The following ARL14EPL variants were observed in gnomAD, a reference collection of about 807,000 sequenced individuals.
ARL14EPL encodes ARF like GTPase 14 effector protein like.
In ARL14EPL, 17 loss-of-function variants were observed where a neutral mutation model predicts 15.9. The ratio of observed to expected loss-of-function variants is 1.07; its 90% confidence interval spans 0.73 to 1.60. The LOEUF is 1.60. ARL14EPL is among the 40% of genes most tolerant of loss of function. ARL14EPL has a pLI of 0.00. For synonymous variants in ARL14EPL, 78 were observed against 63.8 expected (o/e 1.22, Z -1.06); for missense variants, 214 against 185.9 (o/e 1.15, Z -0.88).
intron 1 of ARL14EPL, among the ~76,000 whole-genome samples, chr5:116,040,035 T>C (rs1749120059): frequency 6.6e-6 from 1 of 152,212 alleles, no homozygotes; most frequent in Admixed American, 6.5e-5. Context: ...TATTTTGTTT[T>C]GACTATTAAG....
At chr5:116,057,718 C>A (rs1202487500) in intron 3 of ARL14EPL, among the ~76,000 whole-genome samples, 1 of 152,178 alleles carries the variant, frequency 6.6e-6, no homozygotes, top group Non-Finnish European at 1.5e-5. Flanking sequence ...CTAATCCTTT[C>A]CCTTCCCTGC....
intron 3 of ARL14EPL, among the ~76,000 whole-genome samples, chr5:116,058,007 T>C (rs998228859): frequency 2.0e-5 from 3 of 152,234 alleles, no homozygotes; most frequent in African/African-American, 7.2e-5. Context: ...GAAAGTCCTT[T>C]GTCCCTGGCC....
rs1203704099 is a variant in ARL14EPL, at chr5:116,051,855, A to AT, written c.96+300dup. On this transcript the variant is annotated intron_variant, in intron 2 of 3. Coordinates refer to ENST00000686077, the MANE Select transcript of ARL14EPL (RefSeq NM_001195581.2). ...TACAAACGTTTTTATTTTTATTTTT[A>AT]TTTTTTGATTTAATAAAGTTTTATT... 4 of 1,152,592 alleles carry AT rather than the reference A, an allele frequency of 3.5e-6. No homozygotes were observed. In the African/African-American group the frequency reaches 6.3e-5, roughly 18 times the overall value. The allele number at this position is 1,152,592 out of a possible 1,614,324, so 71.4% of individuals were successfully genotyped here. A position where few individuals can be genotyped will look rare whatever the true frequency, so the allele number is the denominator to read the frequency against.
chr5:116,051,183 A>G, intron 1 of ARL14EPL: 2 of 297,782 alleles, frequency 6.7e-6, no homozygotes, highest in Middle Eastern at 9.1e-4. Context: ...AGTCTTCTTA[A>G]TCCTGCTTAA....
intron 1 of ARL14EPL, among the ~76,000 whole-genome samples, chr5:116,039,821 T>C (rs1749116470): frequency 6.6e-6 from 1 of 152,180 alleles, no homozygotes; most frequent in Non-Finnish European, 1.5e-5. Flanking sequence ...CATGATGATA[T>C]AATGAACAAA....
At chr5:116,052,182 A>C (rs1393628354) in intron 2 of ARL14EPL, 10 of 1,609,472 alleles carry the variant, frequency 6.2e-6, no homozygotes, top group Non-Finnish European at 8.5e-6. Flanking sequence ...TTGCCTTTGG[A>C]CCACTTCTTC....
intron 1 of ARL14EPL, among the ~76,000 whole-genome samples, chr5:116,048,635 A>C (rs1211244759): frequency 6.6e-6 from 1 of 152,168 alleles, no homozygotes; most frequent in South Asian, 2.1e-4. Context: ...TGTTATCTTG[A>C]AGAAGTGATG....
intron 2 of ARL14EPL, chr5:116,052,323 G>T: frequency 3.0e-6 from 3 of 991,978 alleles, no homozygotes; most frequent in Non-Finnish European, 4.9e-6. Context: ...CCGCAGCCTT[G>T]CAAAGATGTC....
In ARL14EPL at chr5:116,058,730, T is replaced by G. The variant is rs1472489440; in HGVS notation, c.242T>G (p.Met81Arg). The change falls in exon 4 of 4, where the codon ATG becomes AGG. Residue 81 changes from methionine (M) to arginine (R), a missense_variant. Transcript: ENST00000686077. ...NEYFSTKYKIMRKYDKSGRLI... is the reference protein window; with the variant it reads ...NEYFSTKYKIRRKYDKSGRLI... ...GTCATGCTTTTCCTTTGTAGAATAA[T>G]GAGGAAGTATGACAAAAGTGGCAGG... is the stretch of plus-strand genomic sequence containing the variant. 2.3e-5 allele frequency: 35 copies of G among 1,534,596 alleles called. No individual in the cohort carries two copies. Among genetic ancestry groups the G allele is most frequent in the Non-Finnish European group, 4.4e-6 (5 of 1,146,724 alleles).
intron 2 of ARL14EPL, among the ~76,000 whole-genome samples, chr5:116,053,772 T>TA (rs1749451773): frequency 6.6e-6 from 1 of 152,248 alleles, no homozygotes; most frequent in Non-Finnish European, 1.5e-5. Flanking sequence ...TCCCCTTGAT[T>TA]GTTTTTTACA....
At chr5:116,053,894 T>G in intron 2 of ARL14EPL, 120 bp from the exon 3 acceptor site, 2 of 791,022 alleles carry the variant, frequency 2.5e-6, no homozygotes, top group Non-Finnish European at 1.9e-6. Context: ...TATGTCTTTG[T>G]GTAAAACATA....
At chr5:116,036,228 A>G (rs1749047859) in intron 1 of ARL14EPL, among the ~76,000 whole-genome samples, 1 of 152,198 alleles carries the variant, frequency 6.6e-6, no homozygotes, top group African/African-American at 2.4e-5. Flanking sequence ...GCTAAACCCC[A>G]TTCACCTTTG....
chr5:116,051,588 A>G (rs1390276105), intron 2 of ARL14EPL, 27 bp downstream of exon 2: 3 of 1,498,648 alleles, frequency 2.0e-6, no homozygotes, highest in African/African-American at 2.8e-5. Flanking sequence ...CTATGATTCC[A>G]TGCTACTGGG....
chr5:116,038,835 G>C (rs1749095557), intron 1 of ARL14EPL, among the ~76,000 whole-genome samples: 1 of 152,182 alleles, frequency 6.6e-6, no homozygotes, highest in Non-Finnish European at 1.5e-5. Flanking sequence ...AGAAATCTGA[G>C]AGCAAATACA....
At chr5:116,055,260 A>G (rs2560685) in intron 3 of ARL14EPL, among the ~76,000 whole-genome samples, 117,444 of 152,108 alleles carry the variant, frequency 0.77, 45,967 homozygotes, top group African/African-American at 0.85. Context: ...AAAACAGCTC[A>G]GTGTTACCTA....
At chr5:116,044,548 T>G (rs992588073) in intron 1 of ARL14EPL, among the ~76,000 whole-genome samples, 1 of 152,124 alleles carries the variant, frequency 6.6e-6, no homozygotes, top group African/African-American at 2.4e-5. Context: ...CTATTTACAC[T>G]GAAGTACAAA....
intron 1 of ARL14EPL, among the ~76,000 whole-genome samples, chr5:116,046,387 T>C (rs1414243403): frequency 6.6e-6 from 1 of 152,162 alleles, no homozygotes; most frequent in South Asian, 2.1e-4. Context: ...CACAATCAAC[T>C]GATGAAAATT....
intron 1 of ARL14EPL, among the ~76,000 whole-genome samples, chr5:116,036,507 A>G (rs1445209585): frequency 1.3e-5 from 2 of 152,246 alleles, no homozygotes; most frequent in Non-Finnish European, 2.9e-5. Flanking sequence ...AGATTGTTGC[A>G]TCTACTTTGC....
At chr5:116,036,564 T>C (rs1435393470) in intron 1 of ARL14EPL, among the ~76,000 whole-genome samples, 1 of 152,234 alleles carries the variant, frequency 6.6e-6, no homozygotes, top group Non-Finnish European at 1.5e-5. Flanking sequence ...AGCTCTAAAA[T>C]GACTAGCTTC....
Sources: gnomAD v4.1 joint callset for allele counts (sites outside exome capture counted in the v4.1 genomes callset) on GRCh38, gnomAD v4.1.1 for gene constraint, MANE v1.5 for transcripts, NCBI Gene and HGNC (gene_info 2026-07-23, HGNC 2026-07-21) for gene names.